The following PGAP4 variants were observed in gnomAD, a reference collection of about 807,000 sequenced individuals.
The protein encoded by PGAP4 is GPI-N-acetylgalactosamine transferase PGAP4.
In PGAP4, 12 loss-of-function variants were observed where a neutral mutation model predicts 28.2. That is an observed-to-expected ratio of 0.42 (90% CI 0.27 to 0.69). PGAP4 has a LOEUF of 0.69. Among genes scored for constraint, PGAP4 ranks in the 30% least tolerant of loss-of-function variants. The pLI is 0.22. For synonymous variants in PGAP4, 205 were observed against 211.8 expected, an observed-to-expected ratio of 0.97 and a Z score of 0.28; for missense variants, 425 against 513.5, an observed-to-expected ratio of 0.83 and a Z score of 1.67.
rs781411179 is a variant in PGAP4 at position 101,477,119 on chromosome 9, C to T, written c.-27G>A. ...AGGTCAACTTTTGTTCATGTCTGGT[C>T]CCAAGAAAAAACCATCCTGGAACTC... On this transcript the variant is annotated 5_prime_UTR_variant, in exon 2 of 2. Transcript: ENST00000374848. The T allele has an allele frequency of 9.2e-6, 14 of 1,525,436 alleles. No individual in the cohort carries two copies. The highest frequency in any genetic ancestry group is 1.2e-5 in the Non-Finnish European group (14 of 1,140,110). The allele number at this position is 1,525,436 out of a possible 1,614,324, so 94.5% of individuals were successfully genotyped here. A position where few individuals can be genotyped will look rare whatever the true frequency, so the allele number is the denominator to read the frequency against.
intron 1 of PGAP4, among the ~76,000 whole-genome samples, chr9:101,482,478 G>A (rs1826516542): frequency 6.6e-6 from 1 of 152,184 alleles, no homozygotes; most frequent in South Asian, 2.1e-4. Flanking sequence ...CCTTTGTCAG[G>A]CATAGGACAC....
At chr9:101,504,205 G>GTT (rs373740296) in intron 2 of PGAP4, among the ~76,000 whole-genome samples, 13 of 34,586 alleles carry the variant, frequency 3.8e-4, no homozygotes, top group East Asian at 1.1e-3. Flanking sequence ...GTGTGTGTGT[G>GTT]TTTGTTTTTT....
rs575280333 is a variant in PGAP4, at chr9:101,511,954, G to A, written c.-165+19394C>T. On this transcript the variant is annotated intron_variant, in intron 2 of 3. Coordinates refer to the PGAP4 transcript ENST00000374851. ...GCAGTCATCCACCCAATGCCAAATAGTCTCTCTCCAGCCAGAATGACAAAA... is the reference window on the plus strand; with the variant it reads ...GCAGTCATCCACCCAATGCCAAATAATCTCTCTCCAGCCAGAATGACAAAA... Among the ~76,000 whole-genome samples, 107 of 152,180 alleles carry A rather than the reference G, an allele frequency of 7.0e-4. 1 individual carries two copies. Among genetic ancestry groups the A allele is most frequent in the African/African-American group, 2.3e-3 (94 of 41,514 alleles).
intron 2 of PGAP4, among the ~76,000 whole-genome samples, chr9:101,493,553 A>G (rs538503653): frequency 6.6e-6 from 1 of 152,330 alleles, no homozygotes; most frequent in Admixed American, 6.5e-5. Context: ...TTGTGAAATT[A>G]CCAGCAGAAG....
At chr9:101,525,834 C>A (rs35450772) in intron 2 of PGAP4, among the ~76,000 whole-genome samples, 5,207 of 151,772 alleles carry the variant, frequency 0.034, 137 homozygotes, top group East Asian at 0.097. Context: ...TATATCACAA[C>A]TTTAATGACT....
At chr9:101,490,625 A>G (rs1039894575), upstream of PGAP4, among the ~76,000 whole-genome samples, 1 of 152,212 alleles carries the variant, frequency 6.6e-6, no homozygotes, top group Non-Finnish European at 1.5e-5. Context: ...GGTTCTAGAT[A>G]TAGTCCTCCT....
At chr9:101,498,452 A>G (rs1826770258) in intron 2 of PGAP4, among the ~76,000 whole-genome samples, 1 of 151,508 alleles carries the variant, frequency 6.6e-6, no homozygotes, top group Non-Finnish European at 1.5e-5. Context: ...GTTACTGTGG[A>G]GCTGTTGTAA....
intron 1 of PGAP4, among the ~76,000 whole-genome samples, chr9:101,485,363 C>T (rs1325043093): frequency 2.6e-5 from 4 of 151,956 alleles, no homozygotes; most frequent in African/African-American, 9.7e-5. Flanking sequence ...AATTTATACG[C>T]CCATATAACC....
At position 101,496,183 on chromosome 9, in the gene PGAP4, T is replaced by A. The variant is rs1298150564; in HGVS notation, c.-164-6983A>T. On this transcript the variant is annotated intron_variant, in intron 2 of 3. Coordinates refer to the PGAP4 transcript ENST00000374851. ...TTTTTTAGAACTTTATGACAACATC[T>A]CAGCATTATGCCAGAAAAGCAGGGT... Among the ~76,000 whole-genome samples the A allele has an allele frequency of 9.2e-5, 14 of 151,388 alleles. No individual in the cohort carries two copies. The Admixed American group carries it at 9.2e-4, about 10-fold the overall frequency.
At chr9:101,520,848 G>A (rs892182838) in intron 2 of PGAP4, among the ~76,000 whole-genome samples, 2 of 152,214 alleles carry the variant, frequency 1.3e-5, no homozygotes, top group South Asian at 2.1e-4. Flanking sequence ...TATGTTGGCT[G>A]TGAGTTTGTC....
chr9:101,510,172 G>T (rs563316775), intron 2 of PGAP4, among the ~76,000 whole-genome samples: 25 of 152,198 alleles, frequency 1.6e-4, no homozygotes, highest in African/African-American at 4.6e-4. Context: ...TATGGTGCTA[G>T]GTGAAAGAGG....
rs1168850666 is a variant in PGAP4, at chr9:101,475,084, C to T, written c.*797G>A. ...GAAAGTCAGGAAAAATGATATGCTA[C>T]TTGTAAAGAGCTCCCCTATATTGTA... On this transcript the variant is annotated 3_prime_UTR_variant, in exon 2 of 2. Transcript: ENST00000374848. The T allele has an allele frequency of 6.7e-6, 1 of 150,268 alleles. No individual in the cohort carries two copies. Among genetic ancestry groups the T allele is most frequent in the Admixed American group, 6.7e-5 (1 of 14,964 alleles). 9.3% of individuals were successfully genotyped at this position (150,268 alleles called of 1,614,324 possible). A position where few individuals can be genotyped will look rare whatever the true frequency, so the allele number is the denominator to read the frequency against.
intron 2 of PGAP4, among the ~76,000 whole-genome samples, chr9:101,492,974 G>T (rs1826704592): frequency 6.6e-6 from 1 of 151,940 alleles, no homozygotes; most frequent in Non-Finnish European, 1.5e-5. Flanking sequence ...TCAACTTAAG[G>T]CTGGGCACAG....
At chr9:101,493,716 T>C (rs1010984585) in intron 2 of PGAP4, among the ~76,000 whole-genome samples, 2 of 152,200 alleles carry the variant, frequency 1.3e-5, no homozygotes, top group African/African-American at 4.8e-5. Context: ...CTTTTTGATT[T>C]GTACTTTGAA....
chr9:101,497,747 T>C (rs1826763579), intron 2 of PGAP4, among the ~76,000 whole-genome samples: 1 of 151,756 alleles, frequency 6.6e-6, no homozygotes, highest in African/African-American at 2.4e-5. Context: ...TTTGGGTTAA[T>C]AACTATATAT....
upstream of PGAP4, among the ~76,000 whole-genome samples, chr9:101,490,951 GC>G (rs1826682027): frequency 7.9e-5 from 12 of 152,272 alleles, no homozygotes; most frequent in South Asian, 2.5e-3. Context: ...GGAACGTGCT[GC>G]ATTCTTGAGG....
rs142693010 is a variant in PGAP4, at chr9:101,511,037, C to T, written c.-165+20311G>A. ...ATCTGTATTTGCAGCTGCTCCCTAG[C>T]GCTAGCATCACTGCCTCAGTTCCAC... is the stretch of plus-strand genomic sequence containing the variant. On this transcript the variant is annotated intron_variant, in intron 2 of 3. Transcript: ENST00000374851. Among the ~76,000 whole-genome samples the T allele has an allele frequency of 8.7e-4, 132 of 152,270 alleles. 1 individual carries two copies. Among genetic ancestry groups the T allele is most frequent in the African/African-American group, 2.9e-3 (120 of 41,550 alleles).
Position 101,476,319 on chromosome 9 carries a change from C to T in PGAP4, c.774G>A (p.Glu258=). ...CAACCCATTCCAGGATCCGCATGGG[C>T]TCTGGATTGATGTAGTGCTGGAGCC... The part of the protein sequence containing the change: ...PERLQHYINP[E]PMRILEWVGV... Residue 258 remains glutamate, a synonymous_variant, in exon 2 of 2, where the codon GAG becomes GAA. Coordinates refer to ENST00000374848, the MANE Select transcript of PGAP4 (RefSeq NM_032342.3). This position sits in a 1 kb window ranked among gnomAD's most constrained non-coding sequence, Gnocchi z 7.0. 1 of 1,614,090 alleles carries T rather than the reference C, an allele frequency of 6.2e-7. No individual in the cohort carries two copies. The highest frequency in any genetic ancestry group is 8.5e-7 in the Non-Finnish European group (1 of 1,180,016).
chr9:101,509,516 C>A (rs563220234), intron 2 of PGAP4, among the ~76,000 whole-genome samples: 1 of 152,206 alleles, frequency 6.6e-6, no homozygotes, highest in East Asian at 1.9e-4. Context: ...TCTTGTAATT[C>A]AAAAACTCTG....
Sources: allele counts gnomAD v4.1 joint callset (sites outside exome capture counted in the v4.1 genomes callset), GRCh38; gene constraint gnomAD v4.1.1; non-coding constraint Gnocchi (gnomAD v3.1); transcripts MANE v1.5; gene names NCBI Gene and HGNC (gene_info 2026-07-23, HGNC 2026-07-21).